Variants in DHRSX observed in about 807,000 individuals in gnomAD.
DHRSX encodes the protein polyprenol dehydrogenase.
A neutral mutation model predicts 34.0 loss-of-function variants in DHRSX; 31 were observed. That is an observed-to-expected ratio of 0.91 (90% confidence interval 0.69 to 1.23). The LOEUF (loss-of-function observed/expected upper bound fraction) is 1.23, where lower values mean the gene tolerates loss of function less well. DHRSX is among the 50% of genes most tolerant of loss of function. The pLI, the probability that DHRSX is intolerant of heterozygous loss-of-function variation, is 0.00. For missense variants in DHRSX, 414 were observed against 428.1 expected, an observed-to-expected ratio of 0.97 and a Z score of 0.29; for synonymous variants, 201 against 183.8, an observed-to-expected ratio of 1.09 and a Z score of -0.76.
chrX:2,226,831 C>T (rs2015675429), intron 6 of DHRSX, among the ~76,000 whole-genome samples: 1 of 151,882 alleles, frequency 6.6e-6, no homozygotes, highest in South Asian at 2.1e-4. Context: ...AACACCCAGA[C>T]CATGGGCACG....
At chrX:2,381,397 G>T (rs2043200829) in intron 3 of DHRSX, among the ~76,000 whole-genome samples, 2 of 152,088 alleles carry the variant, frequency 1.3e-5, no homozygotes, top group African/African-American at 4.8e-5. Flanking sequence ...GGCATGCTTT[G>T]ATCTTGGACT....
In DHRSX at chrX:2,304,747, A is replaced by C. The variant is rs149703107; in HGVS notation, c.287-13144T>G. On this transcript the variant is annotated intron_variant, in intron 3 of 6. Transcript: ENST00000334651. Reference sequence around the variant, plus strand: ...TGCTTCCCGTACAGCCTGCAGATCCATGAGCCAATTAAACTTCTTTTCTTT... The same window carrying C: ...TGCTTCCCGTACAGCCTGCAGATCCCTGAGCCAATTAAACTTCTTTTCTTT... Among the ~76,000 whole-genome samples the C allele has an allele frequency of 2.7e-5, 4 of 150,604 alleles. No homozygotes were observed. The South Asian group carries it at 8.4e-4, about 32-fold the overall frequency.
intron 4 of DHRSX, among the ~76,000 whole-genome samples, chrX:2,270,482 C>A (rs2041534880): frequency 6.6e-6 from 1 of 152,184 alleles, no homozygotes; most frequent in African/African-American, 2.4e-5. Flanking sequence ...CTCTCCAACC[C>A]GCCTTTCAAA....
At position 2,454,423 on chromosome X, in the gene DHRSX, A is replaced by C. The variant is rs2044268048; in HGVS notation, c.110-29119T>G. On this transcript the variant is annotated intron_variant, in intron 1 of 6. Coordinates refer to ENST00000334651, the MANE Select transcript of DHRSX (RefSeq NM_145177.3). ...GCACCTGTAATCCCAGCTACTCAGG[A>C]GGCTGAGGCAGGAGAATTGCTTCAA... 1.3e-5 allele frequency among the ~76,000 whole-genome samples: 2 copies of C among 151,838 alleles called. 1 individual carries two copies. Among genetic ancestry groups the C allele is most frequent in the South Asian group, 4.2e-4 (2 of 4,814 alleles).
intron 3 of DHRSX, among the ~76,000 whole-genome samples, chrX:2,305,432 C>T (rs944285315): frequency 1.4e-4 from 21 of 152,052 alleles, no homozygotes; most frequent in African/African-American, 4.6e-4. Context: ...GACACTGTGG[C>T]GATTCCTCAA....
intron 3 of DHRSX, among the ~76,000 whole-genome samples, chrX:2,390,247 G>A (rs1479638691): frequency 1.4e-5 from 2 of 147,786 alleles, no homozygotes; most frequent in East Asian, 2.0e-4. Context: ...GGATTCAAGC[G>A]ATTCTCCTGC....
At chrX:2,465,280 G>A (rs765960170) in intron 1 of DHRSX, among the ~76,000 whole-genome samples, 1 of 152,312 alleles carries the variant, frequency 6.6e-6, no homozygotes, top group East Asian at 1.9e-4. Flanking sequence ...CACGAACCCA[G>A]CTAGGTGAGC....
In DHRSX at chrX:2,313,236, G is replaced by A. The variant is rs145181531; in HGVS notation, c.287-21633C>T. ...CCAGGCTGGTCTTGAACTACTAGTA[G>A]ACCTCAGGTGATCTGCCTGCCTCAG... On this transcript the variant is annotated intron_variant, in intron 3 of 6. Coordinates refer to ENST00000334651, the MANE Select transcript of DHRSX (RefSeq NM_145177.3). Among the ~76,000 whole-genome samples, 762 of 151,690 alleles carry A rather than the reference G, an allele frequency of 5.0e-3. 10 individuals are homozygous for A. The highest frequency in any genetic ancestry group is 0.018 in the African/African-American group (733 of 41,376).
chrX:2,399,627 A>AC (rs1314263073), intron 3 of DHRSX, among the ~76,000 whole-genome samples: 1 of 151,392 alleles, frequency 6.6e-6, no homozygotes, highest in Non-Finnish European at 1.5e-5. Context: ...AATGGCTTGA[A>AC]CCAGGGAGTC....
chrX:2,337,582 T>C lies in DHRSX; in HGVS notation c.287-45979A>G, dbSNP rs190159721. Among the ~76,000 whole-genome samples, 5 of 152,226 alleles carry C rather than the reference T, an allele frequency of 3.3e-5. No homozygotes were observed. In the East Asian group the frequency reaches 9.6e-4, roughly 29 times the overall value. ...CTGATTGGAGAAAATTTACAGTTGCTGTTTAGACACTTGAGCCTCAGGATC... is the reference window on the plus strand; with the variant it reads ...CTGATTGGAGAAAATTTACAGTTGCCGTTTAGACACTTGAGCCTCAGGATC... On this transcript the variant is annotated intron_variant, in intron 3 of 6. Transcript: ENST00000334651.
intron 5 of DHRSX, among the ~76,000 whole-genome samples, chrX:2,263,043 G>A (rs2041385175): frequency 6.6e-6 from 1 of 152,242 alleles, no homozygotes; most frequent in Non-Finnish European, 1.5e-5. Context: ...GGGGTGGGGA[G>A]GGCGCCCACC....
intron 1 of DHRSX, among the ~76,000 whole-genome samples, chrX:2,471,762 C>T (rs966832026): frequency 9.2e-5 from 14 of 152,070 alleles, no homozygotes; most frequent in African/African-American, 2.4e-4. Flanking sequence ...TCATGCACAT[C>T]GCTTCATCCA....
At chrX:2,371,977 CCAGA>C (rs1421352380) in intron 3 of DHRSX, among the ~76,000 whole-genome samples, 6 of 152,282 alleles carry the variant, frequency 3.9e-5, no homozygotes, top group South Asian at 4.1e-4. Flanking sequence ...TGGGCGCTTG[CCAGA>C]CAGTTAGTGC....
intron 3 of DHRSX, among the ~76,000 whole-genome samples, chrX:2,368,017 T>A (rs749534466): frequency 6.6e-6 from 1 of 150,558 alleles, no homozygotes; most frequent in African/African-American, 2.4e-5. Flanking sequence ...CCGAGGAGGG[T>A]GGATCACTTG....
At chrX:2,251,812 C>T (rs1345176883) in intron 5 of DHRSX, among the ~76,000 whole-genome samples, 2 of 151,920 alleles carry the variant, frequency 1.3e-5, no homozygotes, top group Non-Finnish European at 2.9e-5. Context: ...TAAATAAGGG[C>T]AGGACAGAAA....
At chrX:2,371,404 A>ATTACCATAGTCCCTCCTTTCG (rs1556494396) in intron 3 of DHRSX, among the ~76,000 whole-genome samples, 36 of 142,592 alleles carry the variant, frequency 2.5e-4, no homozygotes, top group Admixed American at 2.2e-3. Flanking sequence ...CCCTTCTCAC[A>ATTACCATAGTCCCTCCTTTCG]TTACCATAGT....
Position 2,448,164 on chromosome X carries a change from C to A in DHRSX, c.110-22860G>T, listed in dbSNP as rs779190687. Among the ~76,000 whole-genome samples, 707 of 149,990 alleles carry A rather than the reference C, an allele frequency of 4.7e-3. 10 individuals are homozygous for A. The highest frequency in any genetic ancestry group is 0.016 in the African/African-American group (665 of 40,448). ...ACCAGCCTGAGCAACATAGCAAGAT[C>A]CCATCTACATAAAAAATTTAAAAAT... On this transcript the variant is annotated intron_variant, in intron 1 of 6. Coordinates refer to ENST00000334651, the MANE Select transcript of DHRSX (RefSeq NM_145177.3).
intron 6 of DHRSX, among the ~76,000 whole-genome samples, chrX:2,232,200 C>CT (rs1397543786): frequency 2.6e-5 from 4 of 151,142 alleles, no homozygotes; most frequent in African/African-American, 4.9e-5. Context: ...CCAGCTTTTC[C>CT]TAAAAAAAAA....
intron 1 of DHRSX, among the ~76,000 whole-genome samples, chrX:2,439,660 T>C (rs939884290): frequency 5.9e-5 from 9 of 152,170 alleles, no homozygotes; most frequent in African/African-American, 1.7e-4. Flanking sequence ...GACGGTCCCA[T>C]CTGCGTGCGG....
Sources: allele counts gnomAD v4.1 joint callset (sites outside exome capture counted in the v4.1 genomes callset), GRCh38; gene constraint gnomAD v4.1.1; transcripts MANE v1.5; gene names NCBI Gene and HGNC (gene_info 2026-07-23, HGNC 2026-07-21).